The following BMP5 variants were observed in gnomAD, a reference collection of about 807,000 sequenced individuals.
The protein encoded by BMP5 is bone morphogenetic protein 5.
Under a neutral mutation model 46.6 loss-of-function variants are expected in BMP5, and 23 were observed. The ratio of observed to expected loss-of-function variants is 0.49; its 90% CI spans 0.35 to 0.70. The LOEUF is 0.70. Among genes scored for constraint, BMP5 ranks in the 30% least tolerant of loss-of-function variants. The pLI, the probability that BMP5 is intolerant of heterozygous loss-of-function variation, is 0.00. For synonymous variants in BMP5, 204 were observed against 191.9 expected, an observed-to-expected ratio of 1.06 and a Z score of -0.52; for missense variants, 545 against 565.6, an observed-to-expected ratio of 0.96 and a Z score of 0.37.
intron 1 of BMP5, among the ~76,000 whole-genome samples, chr6:55,858,152 T>A (rs1205096534): frequency 6.6e-6 from 1 of 152,214 alleles, no homozygotes; most frequent in Non-Finnish European, 1.5e-5. Flanking sequence ...TATTTGAACA[T>A]CAAGTTATTT....
intron 1 of BMP5, among the ~76,000 whole-genome samples, chr6:55,831,165 TCC>T (rs1776654795): frequency 6.6e-6 from 1 of 152,060 alleles, no homozygotes; most frequent in African/African-American, 2.4e-5. Flanking sequence ...AGAATGAGAA[TCC>T]TCTTTTTGAA....
At chr6:55,846,549 ACTT>A (rs1381743990) in intron 1 of BMP5, among the ~76,000 whole-genome samples, 1 of 151,870 alleles carries the variant, frequency 6.6e-6, no homozygotes, top group African/African-American at 2.4e-5. Context: ...CTTGTCATGT[ACTT>A]CTTCTTCAAT....
At chr6:55,774,773 C>T (rs1421123111) in intron 3 of BMP5, among the ~76,000 whole-genome samples, 1 of 151,978 alleles carries the variant, frequency 6.6e-6, no homozygotes, top group African/African-American at 2.4e-5. Flanking sequence ...CTGCACTACA[C>T]TTAAAGTTCT....
intron 1 of BMP5, among the ~76,000 whole-genome samples, chr6:55,868,156 A>G (rs1444531017): frequency 3.3e-5 from 5 of 152,168 alleles, no homozygotes; most frequent in African/African-American, 1.2e-4. Flanking sequence ...TCTTTTCTTG[A>G]TTTAGACATG....
intron 1 of BMP5, among the ~76,000 whole-genome samples, chr6:55,837,996 T>A (rs1044314423): frequency 6.6e-6 from 1 of 152,232 alleles, no homozygotes; most frequent in African/African-American, 2.4e-5. Context: ...GGTCTCATTC[T>A]TTTTCGTGGC....
At chr6:55,800,481 G>T (rs1005351166) in intron 2 of BMP5, among the ~76,000 whole-genome samples, 6 of 152,136 alleles carry the variant, frequency 3.9e-5, no homozygotes, top group African/African-American at 1.2e-4. Flanking sequence ...TGAGTAAAGG[G>T]AATATCATTT....
At chr6:55,856,133 T>A (rs1286568359) in intron 1 of BMP5, among the ~76,000 whole-genome samples, 2 of 152,214 alleles carry the variant, frequency 1.3e-5, no homozygotes, top group Non-Finnish European at 2.9e-5. Flanking sequence ...CAAATGAAAT[T>A]AGACAATATA....
chr6:55,850,118 C>T (rs1377024794), intron 1 of BMP5, among the ~76,000 whole-genome samples: 1 of 152,114 alleles, frequency 6.6e-6, no homozygotes, highest in Admixed American at 6.6e-5. Flanking sequence ...ATTCAAATCT[C>T]AGGTGTCATC....
At chr6:55,855,389 G>GA (rs909858117) in intron 1 of BMP5, among the ~76,000 whole-genome samples, 4 of 149,254 alleles carry the variant, frequency 2.7e-5, no homozygotes, top group Admixed American at 6.7e-5. Flanking sequence ...TCTCTCAAAA[G>GA]AAAAAAAAGG....
intron 3 of BMP5, among the ~76,000 whole-genome samples, chr6:55,784,674 A>G (rs1190175136): frequency 6.6e-6 from 1 of 151,816 alleles, no homozygotes; most frequent in Middle Eastern, 3.2e-3. Context: ...AAAAAATGTG[A>G]CAGAATTACT....
chr6:55,769,596 T>G (rs538364347), intron 4 of BMP5, among the ~76,000 whole-genome samples: 1 of 152,044 alleles, frequency 6.6e-6, no homozygotes, highest in African/African-American at 2.4e-5. Context: ...TTGTTAATGT[T>G]GATATTTCAA....
chr6:55,756,670 C>T (rs1027115514), intron 6 of BMP5, among the ~76,000 whole-genome samples: 1 of 151,850 alleles, frequency 6.6e-6, no homozygotes, highest in African/African-American at 2.4e-5. Context: ...GATATAGGGG[C>T]CTTGCATGTG....
At chr6:55,772,489 A>C (rs893283355) in intron 4 of BMP5, among the ~76,000 whole-genome samples, 2 of 151,974 alleles carry the variant, frequency 1.3e-5, no homozygotes, top group Non-Finnish European at 2.9e-5. Flanking sequence ...GCTACATTAA[A>C]TTAAAAACAT....
intron 1 of BMP5, among the ~76,000 whole-genome samples, chr6:55,861,868 C>T (rs1777533312): frequency 6.6e-6 from 1 of 152,202 alleles, no homozygotes; most frequent in African/African-American, 2.4e-5. Context: ...ACAAAGGCAG[C>T]ACAGCATATC....
intron 3 of BMP5, among the ~76,000 whole-genome samples, chr6:55,793,273 GC>G (rs1238850275): frequency 6.6e-6 from 1 of 152,050 alleles, no homozygotes; most frequent in Non-Finnish European, 1.5e-5. Context: ...TGAATTGCCT[GC>G]CCCCCAACTT....
intron 4 of BMP5, among the ~76,000 whole-genome samples, chr6:55,767,747 G>A (rs1774949522): frequency 6.6e-6 from 1 of 151,914 alleles, no homozygotes; most frequent in South Asian, 2.1e-4. Flanking sequence ...AGCATTGCAG[G>A]ATTTTCAGTA....
At chr6:55,779,985 A>T (rs1293109208) in intron 3 of BMP5, among the ~76,000 whole-genome samples, 1 of 151,894 alleles carries the variant, frequency 6.6e-6, no homozygotes, top group East Asian at 1.9e-4. Flanking sequence ...GATTCTTCAC[A>T]GTAATTCTGG....
At position 55,771,742 on chromosome 6, in the gene BMP5, A is replaced by T. The variant is rs1775051463; in HGVS notation, c.1027+2307T>A. Among the ~76,000 whole-genome samples the T allele has an allele frequency of 2.0e-5, 3 of 151,834 alleles. No individual in the cohort carries two copies. In the South Asian group the frequency reaches 6.2e-4, roughly 31 times the overall value. On this transcript the variant is annotated intron_variant, in intron 4 of 6. Coordinates refer to ENST00000370830, the MANE Select transcript of BMP5 (RefSeq NM_021073.4). ...TCAACATTTGATAATATGCTTTGCA[A>T]AAAACCCAGCAATCAGGCAAACAGG...
At chr6:55,841,321 C>A (rs997782668) in intron 1 of BMP5, among the ~76,000 whole-genome samples, 2 of 152,068 alleles carry the variant, frequency 1.3e-5, no homozygotes, top group African/African-American at 4.8e-5. Flanking sequence ...CCTTCTAGAA[C>A]TTCTTAAAAG....
Sources: gnomAD v4.1 joint callset for allele counts (sites outside exome capture counted in the v4.1 genomes callset) on GRCh38, gnomAD v4.1.1 for gene constraint, MANE v1.5 for transcripts, NCBI Gene and HGNC (gene_info 2026-07-23, HGNC 2026-07-21) for gene names.